The following ERBB4 variants were observed in gnomAD, a reference collection of about 807,000 sequenced individuals.
ERBB4 encodes the protein erb-b2 receptor tyrosine kinase 4.
Under a neutral mutation model 158.0 loss-of-function variants are expected in ERBB4, and 42 were observed. The observed-to-expected ratio is 0.27, with a 90% CI of 0.21 to 0.34. The LOEUF (loss-of-function observed/expected upper bound fraction) is 0.34. Ranked by LOEUF, ERBB4 falls within the 10% of genes least tolerant of loss-of-function variation. The pLI, the probability that ERBB4 is intolerant of heterozygous loss-of-function variation, is 1.00. For synonymous variants in ERBB4, 583 were observed against 558.7 expected, an observed-to-expected ratio of 1.04 and a Z score of -0.61; for missense variants, 1,333 against 1,624.1, an observed-to-expected ratio of 0.82 and a Z score of 3.08.
At chr2:211,569,683 G>A (rs1221348081) in intron 19 of ERBB4, among the ~76,000 whole-genome samples, 1 of 152,156 alleles carries the variant, frequency 6.6e-6, no homozygotes. Context: ...GGAAAAGCAT[G>A]ACCTAAGAGT....
rs1379706388 is a variant in ERBB4 at position 211,772,922 on chromosome 2, CACATAT to C, written c.556+15097_556+15102del. ...ACATATATATATACACACACACACA[CACATAT>C]ATATATATATATATATATATATATA... On this transcript the variant is annotated intron_variant, in intron 4 of 27. Coordinates refer to ENST00000342788, the MANE Select transcript of ERBB4 (RefSeq NM_005235.3). Among the ~76,000 whole-genome samples the C allele has an allele frequency of 1.3e-3, 52 of 40,078 alleles. 4 individuals are homozygous for C. The South Asian group carries it at 0.037, about 28-fold the overall frequency. The allele number at this position is 40,078 out of a possible 152,430, so 26.3% of individuals were successfully genotyped here.
chr2:212,287,625 G>C (rs1033176487), intron 1 of ERBB4, among the ~76,000 whole-genome samples: 2 of 151,962 alleles, frequency 1.3e-5, no homozygotes, highest in Non-Finnish European at 2.9e-5. Context: ...CCAGTAAGAG[G>C]CGTGCTCTTT....
intron 1 of ERBB4, among the ~76,000 whole-genome samples, chr2:212,449,210 T>C (rs2092409575): frequency 6.6e-6 from 1 of 152,190 alleles, no homozygotes; most frequent in African/African-American, 2.4e-5. Flanking sequence ...GATTTAGCCA[T>C]CAGTTTACTG....
intron 1 of ERBB4, among the ~76,000 whole-genome samples, chr2:212,240,596 C>A (rs1004938089): frequency 7.6e-6 from 1 of 131,100 alleles, no homozygotes; most frequent in Non-Finnish European, 1.5e-5. Context: ...CGAGATCGTG[C>A]CATTGCACTC....
At position 211,620,554 on chromosome 2, in the gene ERBB4, G is replaced by A. The variant is rs114424918; in HGVS notation, c.2203-1279C>T. 6.5e-3 allele frequency among the ~76,000 whole-genome samples: 990 copies of A among 152,246 alleles called. 11 individuals are homozygous for A. Among genetic ancestry groups the A allele is most frequent in the African/African-American group, 0.022 (929 of 41,554 alleles). On this transcript the variant is annotated intron_variant, in intron 18 of 27. Coordinates refer to ENST00000342788, the MANE Select transcript of ERBB4 (RefSeq NM_005235.3). ...TTTAACTTTTAGAAAGTGAATTTAT[G>A]GTTGCATTCTTCCTAGGCAGAATGA...
chr2:211,508,947 A>G (rs2065821031), intron 20 of ERBB4, among the ~76,000 whole-genome samples: 1 of 118,780 alleles, frequency 8.4e-6, no homozygotes, highest in Non-Finnish European at 1.8e-5. Context: ...ACAAACAAAA[A>G]AACAAAACAA....
rs555220436 is a variant in ERBB4, at chr2:211,835,614, C to T, written c.422-47455G>A. Among the ~76,000 whole-genome samples the T allele has an allele frequency of 1.2e-3, 178 of 152,122 alleles. 1 individual carries two copies. The highest frequency in any genetic ancestry group is 6.8e-3 in the Middle Eastern group (2 of 294). On this transcript the variant is annotated intron_variant, in intron 3 of 27. Coordinates refer to ENST00000342788, the MANE Select transcript of ERBB4 (RefSeq NM_005235.3). The stretch of plus-strand genomic sequence containing the variant: ...GGTTAATTTGAAGCAGATCCTAAAA[C>T]ATTTAATGAAAAACATCATTTCCAC...
At chr2:211,603,624 C>T (rs2068872700) in intron 19 of ERBB4, among the ~76,000 whole-genome samples, 1 of 152,200 alleles carries the variant, frequency 6.6e-6, no homozygotes, top group Admixed American at 6.5e-5. Context: ...CCTCCCTCTC[C>T]CTTTTATTAA....
At chr2:211,830,145 T>C (rs1258419939) in intron 3 of ERBB4, among the ~76,000 whole-genome samples, 3 of 152,344 alleles carry the variant, frequency 2.0e-5, no homozygotes, top group African/African-American at 7.2e-5. Flanking sequence ...CAACTCTTTC[T>C]TGGGGACTGT....
chr2:212,458,626 G>GA (rs35066738), intron 1 of ERBB4, among the ~76,000 whole-genome samples: 247 of 144,146 alleles, frequency 1.7e-3, no homozygotes, highest in African/African-American at 2.4e-3. Context: ...GGTCTCTACT[G>GA]AAAAAAAAAA....
rs555142218 is a variant in ERBB4, at chr2:211,434,102, T to C, written c.2488-3002A>G. ...GAACAATTTTGTTTTTAGACTTTTG[T>C]AATTTAGGTGGATAATGATCCCTTG... is the stretch of plus-strand genomic sequence containing the variant. On this transcript the variant is annotated intron_variant, in intron 20 of 27. Coordinates refer to ENST00000342788, the MANE Select transcript of ERBB4 (RefSeq NM_005235.3). Among the ~76,000 whole-genome samples, 4 of 152,334 alleles carry C rather than the reference T, an allele frequency of 2.6e-5. No individual in the cohort carries two copies. The South Asian group carries it at 8.3e-4, about 32-fold the overall frequency.
At chr2:211,998,323 G>A (rs901999105) in intron 2 of ERBB4, among the ~76,000 whole-genome samples, 13 of 151,576 alleles carry the variant, frequency 8.6e-5, no homozygotes, top group African/African-American at 2.7e-4. Flanking sequence ...ATCAACTGTT[G>A]AATTTTTTTA....
In ERBB4 at chr2:211,600,067, G is replaced by A. The variant is rs563613392; in HGVS notation, c.2301+19110C>T. Among the ~76,000 whole-genome samples the A allele has an allele frequency of 2.0e-3, 308 of 152,242 alleles. 2 individuals are homozygous for A. Among genetic ancestry groups the A allele is most frequent in the African/African-American group, 7.1e-3 (295 of 41,542 alleles). ...GAATGTATAGTGCTGTTCATTATAAGGGAAGCTTTCCACAATAGAATGAGA... is the reference window on the plus strand; with the variant it reads ...GAATGTATAGTGCTGTTCATTATAAAGGAAGCTTTCCACAATAGAATGAGA... On this transcript the variant is annotated intron_variant, in intron 19 of 27. Transcript: ENST00000342788.
intron 1 of ERBB4, among the ~76,000 whole-genome samples, chr2:212,324,281 C>T (rs2087715031): frequency 6.6e-6 from 1 of 150,520 alleles, no homozygotes; most frequent in African/African-American, 2.4e-5. Flanking sequence ...AAGAAATTAC[C>T]TTTACACATC....
In ERBB4 at chr2:211,562,769, C is replaced by CTTTTTTTTTTTTTTTTTTTTTTTTTT. The variant is rs367801279; in HGVS notation, c.2302-682_2302-681insAAAAAAAAAAAAAAAAAAAAAAAAAA. 1.5e-4 allele frequency among the ~76,000 whole-genome samples: 19 copies of CTTTTTTTTTTTTTTTTTTTTTTTTTT among 125,712 alleles called. 3 individuals carry two copies. The highest frequency in any genetic ancestry group is 2.8e-4 in the African/African-American group (8 of 28,298). The allele number at this position is 125,712 out of a possible 152,430, so 82.5% of individuals were successfully genotyped here. The stretch of plus-strand genomic sequence containing the variant: ...GACTATAAAAATTTGACTACTCCAA[C>CTTTTTTTTTTTTTTTTTTTTTTTTTT]TTTTTTTTTTTTTTTTTTTTGAGAC... On this transcript the variant is annotated intron_variant, in intron 19 of 27. Transcript: ENST00000342788.
At chr2:211,889,564 T>G (rs551336443) in intron 3 of ERBB4, among the ~76,000 whole-genome samples, 1 of 135,224 alleles carries the variant, frequency 7.4e-6, no homozygotes, top group African/African-American at 2.5e-5. Context: ...GAGAATGACT[T>G]TGACGAGCTG....
chr2:212,040,317 T>A (rs748518570), intron 2 of ERBB4, among the ~76,000 whole-genome samples: 2 of 144,002 alleles, frequency 1.4e-5, no homozygotes, highest in African/African-American at 2.6e-5. Context: ...ATTTTAGTAG[T>A]TTTTTTTTCT....
At chr2:211,575,334 TCAAC>T (rs2067857938) in intron 19 of ERBB4, among the ~76,000 whole-genome samples, 1 of 152,206 alleles carries the variant, frequency 6.6e-6, no homozygotes. Flanking sequence ...CAACTTATCC[TCAAC>T]CACTTAATCT....
chr2:212,191,642 A>G lies in ERBB4; in HGVS notation c.83-66739T>C, dbSNP rs193162528. ...ATAACACATGTGTTATGCATGCTAT[A>G]TATAACACATGCGTTATACATGTCA... On this transcript the variant is annotated intron_variant, in intron 1 of 27. Coordinates refer to ENST00000342788, the MANE Select transcript of ERBB4 (RefSeq NM_005235.3). Among the ~76,000 whole-genome samples the G allele has an allele frequency of 8.0e-4, 100 of 125,582 alleles. 5 individuals are homozygous for G. Among genetic ancestry groups the G allele is most frequent in the African/African-American group, 2.8e-3 (95 of 34,148 alleles). The allele number at this position is 125,582 out of a possible 152,430, so 82.4% of individuals were successfully genotyped here. A position where few individuals can be genotyped will look rare whatever the true frequency, so the allele number is the denominator to read the frequency against.
Sources: gnomAD v4.1 joint callset for allele counts (sites outside exome capture counted in the v4.1 genomes callset) on GRCh38, gnomAD v4.1.1 for gene constraint, MANE v1.5 for transcripts, NCBI Gene and HGNC (gene_info 2026-07-23, HGNC 2026-07-21) for gene names.